The following SUN3 variants were observed in gnomAD, a reference collection of about 807,000 sequenced individuals.
SUN3 encodes the protein Sad1 and UNC84 domain containing 3, also known as SUN domain-containing protein 3.
Under a neutral mutation model 48.2 loss-of-function variants are expected in SUN3, and 36 were observed. That is an observed-to-expected ratio of 0.75 (90% CI 0.57 to 0.99). The LOEUF (loss-of-function observed/expected upper bound fraction) is 0.99. SUN3 is among the 50% of genes least tolerant of loss of function. The probability of loss-of-function intolerance (pLI) is 0.00; values close to 1 mark genes in which losing one functional copy is unlikely to be tolerated. For synonymous variants in SUN3, 148 were observed against 147.9 expected, an observed-to-expected ratio of 1.00 and a Z score of 0.00; for missense variants, 419 against 433.1, an observed-to-expected ratio of 0.97 and a Z score of 0.29.
intron 8 of SUN3, 76 bp from the exon 9 acceptor site, chr7:47,988,956 C>A: frequency 1.2e-6 from 1 of 829,078 alleles, no homozygotes; most frequent in South Asian, 1.6e-5. Flanking sequence ...CAACAATTCA[C>A]CAAATATCTC....
At chr7:48,017,463 G>A in intron 2 of SUN3, 98 bp from the exon 3 acceptor site, 1 of 711,900 alleles carries the variant, frequency 1.4e-6, no homozygotes, top group Non-Finnish European at 2.4e-6. Flanking sequence ...TGAAGAATAT[G>A]TATACTCTTA....
chr7:48,018,791 G>A (rs1789886741), intron 2 of SUN3, among the ~76,000 whole-genome samples: 1 of 152,020 alleles, frequency 6.6e-6, no homozygotes, highest in Non-Finnish European at 1.5e-5. Context: ...CGATGAAACA[G>A]GAAAGTATGG....
At chr7:48,023,602 G>T (rs1790059931) in intron 2 of SUN3, among the ~76,000 whole-genome samples, 1 of 152,140 alleles carries the variant, frequency 6.6e-6, no homozygotes, top group Admixed American at 6.5e-5. Flanking sequence ...TAATGTAAAT[G>T]AAAATGGATT....
chr7:48,021,306 A>C (rs1789989020), intron 2 of SUN3, among the ~76,000 whole-genome samples: 1 of 152,160 alleles, frequency 6.6e-6, no homozygotes, highest in Admixed American at 6.6e-5. Context: ...CTATGAAACA[A>C]CTATAAGAAA....
chr7:48,021,682 T>C (rs1172831592), intron 2 of SUN3, among the ~76,000 whole-genome samples: 13 of 152,110 alleles, frequency 8.5e-5, no homozygotes, highest in Non-Finnish European at 1.5e-5. Context: ...GCCAGTTTCA[T>C]TGATTGTCAG....
chr7:47,993,080 A>G (rs1789111464), intron 8 of SUN3, among the ~76,000 whole-genome samples: 1 of 152,132 alleles, frequency 6.6e-6, no homozygotes, highest in Non-Finnish European at 1.5e-5. Flanking sequence ...ACCCTGTCTC[A>G]AGAAAAAAAA....
intron 6 of SUN3, 53 bp from the exon 7 acceptor site, chr7:47,996,199 A>G: frequency 2.0e-6 from 2 of 990,086 alleles, no homozygotes; most frequent in Non-Finnish European, 3.0e-6. Context: ...ACAATTCAAA[A>G]CACATCATTT....
intron 3 of SUN3, among the ~76,000 whole-genome samples, chr7:48,012,212 T>C (rs1207546400): frequency 6.6e-6 from 1 of 152,184 alleles, no homozygotes; most frequent in Non-Finnish European, 1.5e-5. Flanking sequence ...GGACACAGCC[T>C]CCAGGGATAT....
chr7:47,991,386 T>C (rs1261936294), intron 8 of SUN3, among the ~76,000 whole-genome samples: 3 of 152,186 alleles, frequency 2.0e-5, no homozygotes, highest in Non-Finnish European at 4.4e-5. Context: ...CTGCTCAAAC[T>C]CAACTTTTCA....
upstream of SUN3, among the ~76,000 whole-genome samples, chr7:48,031,885 G>A (rs1010933829): frequency 4.0e-5 from 6 of 151,720 alleles, no homozygotes; most frequent in African/African-American, 1.5e-4. Context: ...GTGTGTGGTG[G>A]TGGTGGGGGG....
At chr7:48,013,603 C>T (rs568430796) in intron 3 of SUN3, among the ~76,000 whole-genome samples, 1 of 152,122 alleles carries the variant, frequency 6.6e-6, no homozygotes, top group African/African-American at 2.4e-5. Context: ...TAGAGACAAT[C>T]CAATTGTTTA....
Position 48,001,522 on chromosome 7 carries a change from G to GTTTTTTTTT in SUN3, c.577+4446_577+4447insAAAAAAAAA, listed in dbSNP as rs1286421253. Among the ~76,000 whole-genome samples the GTTTTTTTTT allele has an allele frequency of 7.7e-4, 94 of 121,906 alleles. 6 individuals carry two copies. The highest frequency in any genetic ancestry group is 1.0e-3 in the Non-Finnish European group (61 of 58,758). 80.0% of individuals were successfully genotyped at this position (121,906 alleles called of 152,430 possible). A position where few individuals can be genotyped will look rare whatever the true frequency, so the allele number is the denominator to read the frequency against. ...TTTAGGTTGGTTCCATGTCTTTTCT[G>GTTTTTTTTT]TTTTTTTTGTTTTTTTTTTTTTTTT... On this transcript the variant is annotated intron_variant, in intron 6 of 9. Transcript: ENST00000297325.
At chr7:48,020,544 T>C (rs1426399943) in intron 2 of SUN3, among the ~76,000 whole-genome samples, 1 of 152,162 alleles carries the variant, frequency 6.6e-6, no homozygotes, top group African/African-American at 2.4e-5. Context: ...TTGCTGATAA[T>C]ATGATTTTAT....
chr7:48,001,106 G>A (rs1224018566), intron 6 of SUN3, among the ~76,000 whole-genome samples: 2 of 151,836 alleles, frequency 1.3e-5, no homozygotes, highest in African/African-American at 4.8e-5. Context: ...TAATTTTTAA[G>A]TTCGGGGTAC....
intron 8 of SUN3, among the ~76,000 whole-genome samples, chr7:47,991,999 C>T (rs1007981878): frequency 5.9e-5 from 9 of 152,268 alleles, no homozygotes; most frequent in African/African-American, 2.2e-4. Flanking sequence ...AAGTGGTGAC[C>T]CCGCGGCCCT....
chr7:48,019,977 C>CAAAAAAAAAAAAAAAAAAAAAAAA (rs869166401), intron 2 of SUN3, among the ~76,000 whole-genome samples: 2 of 64,144 alleles, frequency 3.1e-5, no homozygotes, highest in African/African-American at 8.5e-5. Flanking sequence ...AAAGACACAT[C>CAAAAAAAAAAAAAAAAAAAAAAAA]AAAAAAAAAA....
chr7:48,026,483 C>G (rs1315601959), intron 1 of SUN3, among the ~76,000 whole-genome samples: 1 of 151,788 alleles, frequency 6.6e-6, no homozygotes, highest in East Asian at 1.9e-4. Flanking sequence ...TTGTACAGAC[C>G]AGTGATGCCT....
At chr7:48,030,791 G>T (rs1055639812), upstream of SUN3, among the ~76,000 whole-genome samples, 2 of 152,122 alleles carry the variant, frequency 1.3e-5, no homozygotes, top group Admixed American at 1.3e-4. Context: ...GGAACTTCTG[G>T]GTCAAAGTCT....
chr7:48,028,677 AG>A, intron 1 of SUN3, 139 bp downstream of exon 1: 1 of 1,114,828 alleles, frequency 9.0e-7, no homozygotes, highest in Non-Finnish European at 1.3e-6. Context: ...AAACCTTCAA[AG>A]GAAACTATTG....
Sources: gnomAD v4.1 joint callset for allele counts (sites outside exome capture counted in the v4.1 genomes callset) on GRCh38, gnomAD v4.1.1 for gene constraint, MANE v1.5 for transcripts, NCBI Gene and HGNC (gene_info 2026-07-23, HGNC 2026-07-21) for gene names.